The following SFTPD variants were observed in gnomAD, a reference collection of about 807,000 sequenced individuals.
SFTPD encodes pulmonary surfactant-associated protein D.
Under a neutral mutation model 34.6 loss-of-function variants are expected in SFTPD, and 18 were observed. That is an observed-to-expected ratio of 0.52 (90% CI 0.36 to 0.77). The LOEUF (loss-of-function observed/expected upper bound fraction) is 0.77, where lower values mean the gene tolerates loss of function less well. SFTPD is among the 30% of genes least tolerant of loss of function. SFTPD has a pLI of 0.00. For missense variants in SFTPD, 433 were observed against 468.9 expected (o/e 0.92, Z 0.71); for synonymous variants, 155 against 180.9 (o/e 0.86, Z 1.15).
chr10:79,961,029 AAAAC>A (rs1327220427), intron 1 of SFTPD, among the ~76,000 whole-genome samples: 1 of 152,236 alleles, frequency 6.6e-6, no homozygotes, highest in Non-Finnish European at 1.5e-5. Flanking sequence ...AAACCTGACA[AAAAC>A]AAGCAATGGG....
At chr10:79,958,838 T>G (rs1206511714) in intron 1 of SFTPD, among the ~76,000 whole-genome samples, 4 of 152,040 alleles carry the variant, frequency 2.6e-5, no homozygotes, top group African/African-American at 7.2e-5. Context: ...CAACAGAATA[T>G]ACATTTTTTT....
chr10:79,955,388 C>A (rs939531608), intron 1 of SFTPD, among the ~76,000 whole-genome samples: 3 of 152,072 alleles, frequency 2.0e-5, no homozygotes, highest in African/African-American at 4.8e-5. Context: ...TATTTACCAC[C>A]TTGCTTTGCA....
chr10:79,959,300 A>G (rs1347986120), intron 1 of SFTPD, among the ~76,000 whole-genome samples: 1 of 152,014 alleles, frequency 6.6e-6, no homozygotes, highest in Non-Finnish European at 1.5e-5. Flanking sequence ...AAATCAGAGC[A>G]GAACTGAAGG....
intron 2 of SFTPD, among the ~76,000 whole-genome samples, chr10:79,946,085 GTGTTTAATTAAA>G (rs576398833): frequency 1.1e-3 from 159 of 150,830 alleles, no homozygotes; most frequent in African/African-American, 3.5e-3. Flanking sequence ...TCATGCAGTA[GTGTTTAATTAAA>G]TATTTAAAAT....
At chr10:79,956,246 T>C (rs947189393) in intron 1 of SFTPD, among the ~76,000 whole-genome samples, 1 of 152,194 alleles carries the variant, frequency 6.6e-6, no homozygotes, top group Non-Finnish European at 1.5e-5. Context: ...ACGGGTGATT[T>C]CTGCATTTCC....
At chr10:79,957,283 G>A (rs560022048) in intron 1 of SFTPD, among the ~76,000 whole-genome samples, 6 of 152,286 alleles carry the variant, frequency 3.9e-5, no homozygotes, top group East Asian at 3.9e-4. Context: ...CACCAACAAC[G>A]GAACAAAGCT....
intron 5 of SFTPD, 34 bp from the exon 6 acceptor site, chr10:79,941,548 C>A: frequency 6.7e-7 from 1 of 1,499,958 alleles, no homozygotes; most frequent in Non-Finnish European, 9.0e-7. Flanking sequence ...GAGCTATGTA[C>A]TCATTTTATT....
intron 1 of SFTPD, chr10:79,972,926 C>G (rs1255981330): frequency 6.6e-6 from 1 of 152,180 alleles, no homozygotes; most frequent in African/African-American, 2.4e-5. Flanking sequence ...TATCCTAGCT[C>G]TGAGAGTTCC....
rs1842609654 is a variant in SFTPD, at chr10:79,941,406, C to T, written c.659G>A (p.Gly220Glu). The change falls in exon 6 of 8, where the codon GGG (glycine) becomes GAG (glutamate). Residue 220 changes from glycine (G) to glutamate (E), a missense_variant. Gly to Glu is a moderately conservative substitution (Grantham distance 98). Transcript: ENST00000372292. ...PGDKGAKGES[G>E]LPDVASLRQQ... ...AGGAGCTGCTACCTTACCTGGAAGCCCACTTTCTCCCTTTGCTCCTTTGTC... is the reference window on the plus strand; with the variant it reads ...AGGAGCTGCTACCTTACCTGGAAGCTCACTTTCTCCCTTTGCTCCTTTGTC... 1.9e-6 allele frequency: 3 copies of T among 1,613,856 alleles called. No homozygotes were observed. The highest frequency in any genetic ancestry group is 2.5e-6 in the Non-Finnish European group (3 of 1,179,902).
upstream of SFTPD, among the ~76,000 whole-genome samples, chr10:79,951,210 G>A (rs17884923): frequency 2.0e-4 from 31 of 152,108 alleles, no homozygotes; most frequent in African/African-American, 7.2e-4. Flanking sequence ...ATATTGGTTA[G>A]GATCCATTGC....
chr10:79,962,218 C>T (rs1434199973), intron 1 of SFTPD, among the ~76,000 whole-genome samples: 5 of 150,226 alleles, frequency 3.3e-5, no homozygotes, highest in Non-Finnish European at 5.9e-5. Flanking sequence ...ATGGGTGCAG[C>T]ACACCAACAT....
At chr10:79,967,523 G>A (rs1321523952) in intron 1 of SFTPD, among the ~76,000 whole-genome samples, 1 of 139,718 alleles carries the variant, frequency 7.2e-6, no homozygotes, top group Admixed American at 7.1e-5. Flanking sequence ...GAACAAAGCT[G>A]GAGGCATCAC....
At chr10:79,952,780 C>G (rs1589338173), upstream of SFTPD, among the ~76,000 whole-genome samples, 2 of 152,282 alleles carry the variant, frequency 1.3e-5, no homozygotes, top group Middle Eastern at 3.4e-3. Flanking sequence ...CCTGCCACTT[C>G]AACTCAGGTT....
At chr10:79,944,383 T>C (rs906068890) in intron 2 of SFTPD, among the ~76,000 whole-genome samples, 8 of 151,628 alleles carry the variant, frequency 5.3e-5, no homozygotes, top group Non-Finnish European at 1.2e-4. Flanking sequence ...GGGGGTAGGG[T>C]CTGTTTTTGG....
chr10:79,955,065 G>C (rs1458970616), intron 1 of SFTPD, among the ~76,000 whole-genome samples: 2 of 152,138 alleles, frequency 1.3e-5, no homozygotes, highest in Non-Finnish European at 2.9e-5. Flanking sequence ...TCCAGAGCTT[G>C]GGGCCTTCGC....
At position 79,942,488 on chromosome 10, in the gene SFTPD, G is replaced by A. The variant is rs750042029; in HGVS notation, c.333C>T (p.Pro111=). 4 of 1,612,436 alleles carry A rather than the reference G, an allele frequency of 2.5e-6. No individual in the cohort carries two copies. Among genetic ancestry groups the A allele is most frequent in the Admixed American group, 1.7e-5 (1 of 60,004 alleles). Residue 111 remains proline (P), a synonymous_variant, in exon 4 of 8, where the codon CCC becomes CCT. Coordinates refer to ENST00000372292, the MANE Select transcript of SFTPD (RefSeq NM_003019.5). ...DTGPSGPPGP[P]GVPGPAGREG... ...CTCTTCCAGCTGGACCAGGCACACC[G>A]GGAGGTCCTGGAGGTCCTGAGCAAA...
chr10:79,937,807 G>T lies in SFTPD; in HGVS notation c.*45C>A, dbSNP rs565135566. ...CATGAGGGTCTAAGCCTTGACTTCT[G>T]GCCAAACTCCTGGGCCAAGCACTGC... On this transcript the variant is annotated 3_prime_UTR_variant, in exon 8 of 8. Transcript: ENST00000372292. The T allele has an allele frequency of 6.6e-7, 1 of 1,506,136 alleles. No individual in the cohort carries two copies. Among genetic ancestry groups the T allele is most frequent in the African/African-American group, 1.4e-5 (1 of 71,532 alleles). 93.3% of individuals were successfully genotyped at this position (1,506,136 alleles called of 1,614,324 possible).
intron 1 of SFTPD, among the ~76,000 whole-genome samples, chr10:79,980,810 G>A (rs1189589371): frequency 2.0e-5 from 3 of 152,186 alleles, no homozygotes; most frequent in South Asian, 4.1e-4. Context: ...CAAATAATTC[G>A]ATTACGACGC....
chr10:79,962,062 A>G (rs534091175), intron 1 of SFTPD, among the ~76,000 whole-genome samples: 25 of 143,602 alleles, frequency 1.7e-4, no homozygotes, highest in African/African-American at 5.7e-4. Flanking sequence ...ACCAAACACC[A>G]CATGTTCTCA....
Sources: allele counts gnomAD v4.1 joint callset (sites outside exome capture counted in the v4.1 genomes callset), GRCh38; gene constraint gnomAD v4.1.1; transcripts MANE v1.5; gene names NCBI Gene and HGNC (gene_info 2026-07-23, HGNC 2026-07-21).